ADCY9: variants seen among roughly 807,000 people sequenced by gnomAD.
ADCY9 encodes adenylate cyclase 9, also known as adenylate cyclase type 9.
In ADCY9, 50 loss-of-function variants were observed where a neutral mutation model predicts 101.5. The observed-to-expected ratio is 0.49, with a 90% CI of 0.39 to 0.62. ADCY9 has a LOEUF of 0.62. Among genes scored for constraint, ADCY9 ranks in the 20% least tolerant of loss-of-function variants. The pLI, the probability that ADCY9 is intolerant of heterozygous loss-of-function variation, is 0.00. For missense variants in ADCY9, 1,662 were observed against 1,800.4 expected (o/e 0.92, Z 1.39); for synonymous variants, 905 against 769.3 (o/e 1.18, Z -2.92).
At chr16:3,999,298 G>A (rs950534266) in intron 3 of ADCY9, among the ~76,000 whole-genome samples, 1 of 152,180 alleles carries the variant, frequency 6.6e-6, no homozygotes, top group East Asian at 1.9e-4. Flanking sequence ...TATGGGCCAA[G>A]ATCCTACCCG....
chr16:4,026,653 C>T (rs1025240642), intron 2 of ADCY9, among the ~76,000 whole-genome samples: 1 of 152,316 alleles, frequency 6.6e-6, no homozygotes, highest in East Asian at 1.9e-4. Flanking sequence ...TGGGGCACTA[C>T]TCAGCATCAC....
At chr16:4,022,982 G>A (rs1374046686) in intron 2 of ADCY9, among the ~76,000 whole-genome samples, 1 of 152,166 alleles carries the variant, frequency 6.6e-6, no homozygotes, top group Non-Finnish European at 1.5e-5. Context: ...CCTGGGGGAA[G>A]GCGCAGCACC....
intron 2 of ADCY9, among the ~76,000 whole-genome samples, chr16:4,031,724 A>C (rs2056556492): frequency 1.3e-5 from 2 of 151,778 alleles, no homozygotes; most frequent in Non-Finnish European, 2.9e-5. Flanking sequence ...GGCTAATACA[A>C]AAATTAATCA....
At chr16:4,113,076 A>C (rs991032814) in intron 2 of ADCY9, among the ~76,000 whole-genome samples, 2 of 152,038 alleles carry the variant, frequency 1.3e-5, no homozygotes, top group African/African-American at 4.8e-5. Context: ...GTGGCTGGAG[A>C]AGCTCAATAT....
chr16:3,981,053 TG>T (rs1375235854), intron 7 of ADCY9, among the ~76,000 whole-genome samples: 2 of 152,190 alleles, frequency 1.3e-5, no homozygotes, highest in Non-Finnish European at 2.9e-5. Context: ...CCCGTCAACC[TG>T]GGGTCCTCAA....
chr16:3,987,381 G>C (rs1255867982), intron 6 of ADCY9, among the ~76,000 whole-genome samples: 1 of 152,258 alleles, frequency 6.6e-6, no homozygotes, highest in Non-Finnish European at 1.5e-5. Context: ...AGGCTCAGCA[G>C]TGCAGGGCGA....
intron 3 of ADCY9, among the ~76,000 whole-genome samples, chr16:3,993,873 G>A (rs1354671790): frequency 3.3e-5 from 5 of 152,162 alleles, no homozygotes. Context: ...CTCGGGGAGG[G>A]AAGCCAGACA....
In ADCY9 at chr16:4,114,705, C is replaced by G; in HGVS notation, c.738G>C (p.Leu246Phe). 2 of 1,613,178 alleles carry G rather than the reference C, an allele frequency of 1.2e-6. No individual in the cohort carries two copies. The highest frequency in any genetic ancestry group is 1.7e-6 in the Non-Finnish European group (2 of 1,180,048). The change falls in exon 2 of 11, where the codon TTG (leucine) becomes TTC (phenylalanine). Residue 246 changes from leucine to phenylalanine, a missense_variant. Coordinates refer to ENST00000294016, the MANE Select transcript of ADCY9 (RefSeq NM_001116.4). This position sits in a 1 kb window ranked among gnomAD's most constrained non-coding sequence, Gnocchi z 4.3. ...TVMHLPLYLS[L>F]CLGVAYSVLF... is the part of the protein sequence containing the mutation. Reference sequence around the variant, plus strand: ...GGACAGAGTAGGCCACCCCCAGACACAAACTCAGGTACAAAGGTAAGTGCA... The same window carrying G: ...GGACAGAGTAGGCCACCCCCAGACAGAAACTCAGGTACAAAGGTAAGTGCA...
intron 2 of ADCY9, among the ~76,000 whole-genome samples, chr16:4,032,507 C>T (rs962315439): frequency 4.7e-5 from 6 of 128,786 alleles, no homozygotes; most frequent in Admixed American, 1.7e-4. Flanking sequence ...ATCTATATCA[C>T]ACAATTTTTT....
intron 10 of ADCY9, among the ~76,000 whole-genome samples, chr16:3,968,152 A>G (rs955260472): frequency 1.3e-5 from 2 of 151,832 alleles, no homozygotes; most frequent in Non-Finnish European, 2.9e-5. Flanking sequence ...TGGTTCTTAG[A>G]TTTCTTTTTT....
At chr16:4,033,514 A>G (rs531395033) in intron 2 of ADCY9, among the ~76,000 whole-genome samples, 4 of 150,366 alleles carry the variant, frequency 2.7e-5, no homozygotes, top group Non-Finnish European at 4.4e-5. Flanking sequence ...GCTCACTGCA[A>G]CTTCCACCAC....
intron 2 of ADCY9, among the ~76,000 whole-genome samples, chr16:4,075,605 G>A (rs1016255851): frequency 1.3e-5 from 2 of 152,212 alleles, no homozygotes; most frequent in Admixed American, 6.5e-5. Context: ...CTGAGCGTCT[G>A]CTAAACACCA....
intron 2 of ADCY9, among the ~76,000 whole-genome samples, chr16:4,049,609 T>G (rs2056687771): frequency 6.6e-6 from 1 of 152,266 alleles, no homozygotes; most frequent in South Asian, 2.1e-4. Context: ...ACAATAAAAG[T>G]GACCCTCTGA....
chr16:4,070,044 G>T (rs958822159), intron 2 of ADCY9, among the ~76,000 whole-genome samples: 1 of 152,192 alleles, frequency 6.6e-6, no homozygotes, highest in Non-Finnish European at 1.5e-5. Context: ...GTTGCAGTGA[G>T]TTAAGATTGC....
intron 2 of ADCY9, among the ~76,000 whole-genome samples, chr16:4,033,126 G>C (rs750989370): frequency 8.5e-5 from 13 of 152,206 alleles, no homozygotes; most frequent in Non-Finnish European, 1.8e-4. Flanking sequence ...TTCTTTATGA[G>C]TAAGGCTGCC....
chr16:4,100,618 A>T (rs1222770007), intron 2 of ADCY9, among the ~76,000 whole-genome samples: 1 of 152,008 alleles, frequency 6.6e-6, no homozygotes, highest in Admixed American at 6.6e-5. Context: ...GGCGTGAGCC[A>T]TGCACCTGGC....
chr16:4,030,939 T>A (rs4785951), intron 2 of ADCY9, among the ~76,000 whole-genome samples: 3,760 of 151,978 alleles, frequency 0.025, 165 homozygotes, highest in African/African-American at 0.085. Flanking sequence ...GCATTTTATG[T>A]ATGCATATTA....
intron 8 of ADCY9, among the ~76,000 whole-genome samples, chr16:3,977,999 T>C (rs975541647): frequency 4.6e-5 from 7 of 152,200 alleles, no homozygotes; most frequent in Non-Finnish European, 1.0e-4. Flanking sequence ...ATTACAGGTA[T>C]GAGCCACCGC....
chr16:4,087,528 T>C (rs563447443), intron 2 of ADCY9, among the ~76,000 whole-genome samples: 1 of 139,530 alleles, frequency 7.2e-6, no homozygotes, highest in Non-Finnish European at 1.5e-5. Flanking sequence ...AGAGCGAGAT[T>C]CCATCTCAAA....
Sources: allele counts gnomAD v4.1 joint callset (sites outside exome capture counted in the v4.1 genomes callset), GRCh38; gene constraint gnomAD v4.1.1; non-coding constraint Gnocchi (gnomAD v3.1); transcripts MANE v1.5; gene names NCBI Gene and HGNC (gene_info 2026-07-23, HGNC 2026-07-21).